ZHX2: variants seen among roughly 807,000 people sequenced by gnomAD.
The protein encoded by ZHX2 is zinc fingers and homeoboxes protein 2.
In ZHX2, 6 loss-of-function variants were observed where a neutral mutation model predicts 21.9. The observed-to-expected ratio is 0.27, with a 90% CI of 0.15 to 0.54. The LOEUF (loss-of-function observed/expected upper bound fraction) is 0.54. Ranked by LOEUF, ZHX2 falls within the 20% of genes least tolerant of loss-of-function variation. The pLI is 0.95. For missense variants in ZHX2, 908 were observed against 1,090.7 expected, an observed-to-expected ratio of 0.83 and a Z score of 2.36; for synonymous variants, 434 against 437.1, an observed-to-expected ratio of 0.99 and a Z score of 0.09.
chr8:122,795,962 G>A (rs1817605350), intron 1 of ZHX2, among the ~76,000 whole-genome samples: 1 of 152,142 alleles, frequency 6.6e-6, no homozygotes, highest in African/African-American at 2.4e-5. Context: ...CCTGAGGTCA[G>A]GAGTTCGGGA....
At chr8:122,804,372 G>T (rs995160510) in intron 1 of ZHX2, among the ~76,000 whole-genome samples, 10 of 152,296 alleles carry the variant, frequency 6.6e-5, no homozygotes, top group Non-Finnish European at 1.3e-4. Flanking sequence ...GCATCCCAAA[G>T]TGCCCGGATT....
intron 1 of ZHX2, among the ~76,000 whole-genome samples, chr8:122,851,849 C>G (rs1586326968): frequency 6.6e-6 from 1 of 152,204 alleles, no homozygotes; most frequent in African/African-American, 2.4e-5. Context: ...CTCCAGAACC[C>G]ACTCTCTGAA....
In ZHX2 at chr8:122,797,652, G is replaced by A. The variant is rs528858239; in HGVS notation, c.-283+15706G>A. The stretch of plus-strand genomic sequence containing the variant: ...CGCCGTCTTTGACGCTAAGGACCAC[G>A]CTCAATTGTCCCTCCCAACAGGATG... On this transcript the variant is annotated intron_variant, in intron 1 of 3. Transcript: ENST00000314393. 3.3e-5 allele frequency among the ~76,000 whole-genome samples: 5 copies of A among 152,228 alleles called. No homozygotes were observed. The South Asian group carries it at 6.2e-4, about 19-fold the overall frequency.
At position 122,835,673 on chromosome 8, in the gene ZHX2, G is replaced by T. The variant is rs536525650; in HGVS notation, c.-282-27804G>T. Among the ~76,000 whole-genome samples, 3 of 152,296 alleles carry T rather than the reference G, an allele frequency of 2.0e-5. No individual in the cohort carries two copies. The South Asian group carries it at 6.2e-4, about 32-fold the overall frequency. The stretch of plus-strand genomic sequence containing the variant: ...TGCTGGATTTAATGAGGAAAAAGAG[G>T]TAGGGTCGGGAAGAGAAAGGCGATC... On this transcript the variant is annotated intron_variant, in intron 1 of 3. Coordinates refer to ENST00000314393, the MANE Select transcript of ZHX2 (RefSeq NM_014943.5).
Position 122,876,367 on chromosome 8 carries a change from G to A in ZHX2, c.-220+12828G>A, listed in dbSNP as rs949861049. Among the ~76,000 whole-genome samples the A allele has an allele frequency of 1.2e-4, 19 of 152,098 alleles. No individual in the cohort carries two copies. The East Asian group carries it at 1.7e-3, about 14-fold the overall frequency. On this transcript the variant is annotated intron_variant, in intron 2 of 3. Transcript: ENST00000314393. ...TTTCAGCACCCCCTCCCCTTACCCC[G>A]TTACCATGACAATATTATTTTAACA...
chr8:122,903,606 G>A (rs1294015506), intron 2 of ZHX2, among the ~76,000 whole-genome samples: 2 of 152,184 alleles, frequency 1.3e-5, no homozygotes, highest in African/African-American at 4.8e-5. Flanking sequence ...AAAGAACACA[G>A]AGGCTAGAAC....
intron 1 of ZHX2, among the ~76,000 whole-genome samples, chr8:122,863,225 C>T (rs1373393753): frequency 1.1e-4 from 17 of 150,240 alleles, no homozygotes; most frequent in Non-Finnish European, 1.5e-4. Context: ...AGAAAGCCTG[C>T]TTTTCCACAA....
intron 2 of ZHX2, among the ~76,000 whole-genome samples, chr8:122,913,317 G>C (rs1243648039): frequency 6.6e-6 from 1 of 152,160 alleles, no homozygotes; most frequent in Non-Finnish European, 1.5e-5. Context: ...CATAAATAGT[G>C]CTGCTATGAA....
At chr8:122,787,110 T>TGA (rs1334784522) in intron 1 of ZHX2, among the ~76,000 whole-genome samples, 1 of 151,710 alleles carries the variant, frequency 6.6e-6, no homozygotes, top group African/African-American at 2.4e-5. Context: ...TGTGTGTGTG[T>TGA]GTGTAAAACA....
intron 3 of ZHX2, among the ~76,000 whole-genome samples, chr8:122,959,742 T>G (rs114433745): frequency 2.1e-4 from 32 of 152,296 alleles, no homozygotes; most frequent in African/African-American, 6.7e-4. Flanking sequence ...TTGGAGAATC[T>G]GTCACCAGAT....
chr8:122,802,561 T>C (rs752617998), intron 1 of ZHX2, among the ~76,000 whole-genome samples: 1 of 152,116 alleles, frequency 6.6e-6, no homozygotes, highest in Non-Finnish European at 1.5e-5. Flanking sequence ...CCCACAGAAC[T>C]GTCATGACGT....
At chr8:122,940,534 G>A (rs527550162) in intron 2 of ZHX2, among the ~76,000 whole-genome samples, 7 of 152,236 alleles carry the variant, frequency 4.6e-5, no homozygotes, top group African/African-American at 1.2e-4. Flanking sequence ...CACAGCAGGC[G>A]GCGTGAAGCA....
chr8:122,873,849 G>C (rs960970103), intron 2 of ZHX2, among the ~76,000 whole-genome samples: 1 of 152,106 alleles, frequency 6.6e-6, no homozygotes, highest in African/African-American at 2.4e-5. Flanking sequence ...TTAGCTCAGG[G>C]CCCCCTTCCA....
At chr8:122,866,071 C>G (rs1238026514) in intron 2 of ZHX2, among the ~76,000 whole-genome samples, 2 of 152,148 alleles carry the variant, frequency 1.3e-5, no homozygotes, top group African/African-American at 4.8e-5. Flanking sequence ...CCCCTTTTTC[C>G]CAGTGAATGG....
chr8:122,902,372 C>T (rs1820253312), intron 2 of ZHX2, among the ~76,000 whole-genome samples: 1 of 152,222 alleles, frequency 6.6e-6, no homozygotes, highest in African/African-American at 2.4e-5. Flanking sequence ...GGTTCAAATC[C>T]TGGGTTCAAA....
intron 3 of ZHX2, among the ~76,000 whole-genome samples, chr8:122,969,981 C>T (rs1238193718): frequency 6.6e-6 from 1 of 152,144 alleles, no homozygotes; most frequent in African/African-American, 2.4e-5. Flanking sequence ...CCAGGTTTTC[C>T]CCAAGACAGA....
chr8:122,873,089 A>G (rs1563762896), intron 2 of ZHX2, among the ~76,000 whole-genome samples: 1 of 152,248 alleles, frequency 6.6e-6, no homozygotes, highest in Non-Finnish European at 1.5e-5. Flanking sequence ...GTGGGACCAC[A>G]TGGACCAAGA....
chr8:122,954,376 T>C (rs1416814278), intron 3 of ZHX2, among the ~76,000 whole-genome samples: 1 of 152,162 alleles, frequency 6.6e-6, no homozygotes, highest in African/African-American at 2.4e-5. Context: ...GGCTCGATCA[T>C]AGGTCATTGT....
At chr8:122,847,773 C>A (rs1287277680) in intron 1 of ZHX2, among the ~76,000 whole-genome samples, 2 of 152,214 alleles carry the variant, frequency 1.3e-5, no homozygotes, top group African/African-American at 2.4e-5. Flanking sequence ...ACCACCAGCA[C>A]CCAGCACCAC....
Sources: gnomAD v4.1 joint callset for allele counts (sites outside exome capture counted in the v4.1 genomes callset) on GRCh38, gnomAD v4.1.1 for gene constraint, MANE v1.5 for transcripts, NCBI Gene and HGNC (gene_info 2026-07-23, HGNC 2026-07-21) for gene names.